The following LARGE1 variants were observed in gnomAD, a reference collection of about 807,000 sequenced individuals.
LARGE1 encodes xylosyl- and glucuronyltransferase LARGE1.
Under a neutral mutation model 87.6 loss-of-function variants are expected in LARGE1, and 43 were observed. The observed-to-expected ratio is 0.49, with a 90% CI of 0.38 to 0.63. LARGE1 has a LOEUF of 0.63. Among genes scored for constraint, LARGE1 ranks in the 30% least tolerant of loss-of-function variants. LARGE1 has a pLI of 0.00. For synonymous variants in LARGE1, 434 were observed against 394.6 expected, an observed-to-expected ratio of 1.10 and a Z score of -1.18; for missense variants, 802 against 1,000.2, an observed-to-expected ratio of 0.80 and a Z score of 2.67.
At chr22:33,122,104 G>A in the LARGE1 span, among the ~76,000 whole-genome samples, 1 of 152,158 alleles carries the variant, frequency 6.6e-6, no homozygotes, top group African/African-American at 2.4e-5. Context: ...TTGTGTTTCT[G>A]TCAGAGGATT....
chr22:33,808,935 G>A (rs931970540), intron 1 of LARGE1, among the ~76,000 whole-genome samples: 1 of 152,008 alleles, frequency 6.6e-6, no homozygotes, highest in African/African-American at 2.4e-5. Context: ...CAGAAACTCA[G>A]TACATCCTTC....
intron 2 of LARGE1, among the ~76,000 whole-genome samples, chr22:33,739,866 GAGATGAGAGCACCTCAAGGTATGAGTAC>G (rs2083811333): frequency 6.6e-6 from 1 of 152,194 alleles, no homozygotes; most frequent in South Asian, 2.1e-4. Flanking sequence ...GGCGGGGGAT[GAGATGAGAGCACCTCAAGGTATGAGTAC>G]AGAAGCGGAG....
chr22:33,361,480 G>A (rs374016209), intron 9 of LARGE1, among the ~76,000 whole-genome samples: 1 of 149,484 alleles, frequency 6.7e-6, no homozygotes, highest in Non-Finnish European at 1.5e-5. Context: ...ACTCTTTCTC[G>A]TGTAGTCCTT....
At chr22:33,128,680 CAAA>C in the LARGE1 span, among the ~76,000 whole-genome samples, 44,084 of 110,408 alleles carry the variant, frequency 0.4, 6,247 homozygotes, top group South Asian at 0.48. Context: ...GTCTCAAAAA[CAAA>C]AAAAAAAAAA....
chr22:33,295,907 A>G (rs1472009830), intron 12 of LARGE1, among the ~76,000 whole-genome samples: 1 of 152,244 alleles, frequency 6.6e-6, no homozygotes, highest in Non-Finnish European at 1.5e-5. Context: ...TTCCAGAGGA[A>G]GAACCTGTCA....
At chr22:33,833,679 T>C (rs1447544498) in intron 1 of LARGE1, among the ~76,000 whole-genome samples, 1 of 152,134 alleles carries the variant, frequency 6.6e-6, no homozygotes, top group Non-Finnish European at 1.5e-5. Flanking sequence ...GTCATTTTTA[T>C]TTATTTATTT....
At chr22:33,875,834 C>T (rs888188435) in intron 1 of LARGE1, among the ~76,000 whole-genome samples, 2 of 152,184 alleles carry the variant, frequency 1.3e-5, no homozygotes, top group South Asian at 4.1e-4. Context: ...GGCAGCCCCA[C>T]CTGATGGGCT....
chr22:33,517,890 G>GA (rs1244773323), intron 6 of LARGE1, among the ~76,000 whole-genome samples: 5 of 152,184 alleles, frequency 3.3e-5, no homozygotes. Context: ...GCTTCATCTG[G>GA]AAAAATCAGG....
At chr22:33,608,367 G>A (rs1326604119) in intron 4 of LARGE1, among the ~76,000 whole-genome samples, 1 of 152,080 alleles carries the variant, frequency 6.6e-6, no homozygotes, top group Non-Finnish European at 1.5e-5. Flanking sequence ...GAAGCCCCAT[G>A]AATTCCTGTT....
rs5998930 is a variant in LARGE1 at position 33,402,453 on chromosome 22, A to G, written c.893-18149T>C. On this transcript the variant is annotated intron_variant, in intron 7 of 14. Coordinates refer to ENST00000397394, the MANE Select transcript of LARGE1 (RefSeq NM_133642.5). ...GACTAATTTGGGAATGACAGCAAGA[A>G]TACAGTCACCTCCCCAGTGCACACT... Among the ~76,000 whole-genome samples, 1,348 of 152,260 alleles carry G rather than the reference A, an allele frequency of 8.9e-3. 20 individuals are homozygous for G. The highest frequency in any genetic ancestry group is 0.031 in the African/African-American group (1,275 of 41,546).
intron 3 of LARGE1, among the ~76,000 whole-genome samples, chr22:33,648,347 T>G (rs1203745709): frequency 6.6e-6 from 1 of 152,232 alleles, no homozygotes; most frequent in East Asian, 1.9e-4. Flanking sequence ...CTCTTTTTTA[T>G]GCCTTCTTTT....
intron 11 of LARGE1, among the ~76,000 whole-genome samples, chr22:33,195,992 T>C (rs1206640002): frequency 6.6e-6 from 1 of 151,662 alleles, no homozygotes; most frequent in East Asian, 1.9e-4. Flanking sequence ...TCTCCTGACC[T>C]CGTGGTCCGC....
chr22:33,877,875 T>C (rs1301834681), intron 1 of LARGE1, among the ~76,000 whole-genome samples: 1 of 151,658 alleles, frequency 6.6e-6, no homozygotes, highest in African/African-American at 2.4e-5. Flanking sequence ...TGAGCCGAGA[T>C]CATGCCACTC....
the LARGE1 span, among the ~76,000 whole-genome samples, chr22:33,084,953 A>G: frequency 6.6e-6 from 1 of 152,176 alleles, no homozygotes; most frequent in Non-Finnish European, 1.5e-5. Context: ...TTTTATCTAT[A>G]TTTAGATTTT....
chr22:33,653,004 A>G (rs1405722725), intron 2 of LARGE1, among the ~76,000 whole-genome samples: 2 of 152,194 alleles, frequency 1.3e-5, no homozygotes, highest in African/African-American at 4.8e-5. Flanking sequence ...CGACTGGCCA[A>G]TTACAAGCTT....
At chr22:33,317,937 C>G (rs569276053) in intron 10 of LARGE1, among the ~76,000 whole-genome samples, 1 of 152,094 alleles carries the variant, frequency 6.6e-6, no homozygotes, top group South Asian at 2.1e-4. Context: ...AAACTGTGCA[C>G]TTAGAATGGG....
the LARGE1 span, among the ~76,000 whole-genome samples, chr22:33,101,156 C>T: frequency 6.6e-6 from 1 of 152,146 alleles, no homozygotes; most frequent in Admixed American, 6.5e-5. Flanking sequence ...GCATTAACTT[C>T]TTTCACATCC....
chr22:33,072,420 C>T, the LARGE1 span, among the ~76,000 whole-genome samples: 3,189 of 152,146 alleles, frequency 0.021, 113 homozygotes, highest in African/African-American at 0.072. Flanking sequence ...CCCTGATTGA[C>T]TGGTTCATGG....
chr22:33,811,868 C>T (rs959396262), intron 1 of LARGE1, among the ~76,000 whole-genome samples: 3 of 152,170 alleles, frequency 2.0e-5, no homozygotes, highest in Non-Finnish European at 4.4e-5. Context: ...TACTTCAGGC[C>T]AGGGATAATG....
Sources: allele counts gnomAD v4.1 joint callset (sites outside exome capture counted in the v4.1 genomes callset), GRCh38; gene constraint gnomAD v4.1.1; transcripts MANE v1.5; gene names NCBI Gene and HGNC (gene_info 2026-07-23, HGNC 2026-07-21).